The following FAM167A variants were observed in gnomAD, a reference collection of about 807,000 sequenced individuals.
FAM167A encodes the protein protein FAM167A.
FAM167A carries 23 observed loss-of-function variants against 14.9 expected under a neutral mutation model. That is an observed-to-expected ratio of 1.55 (90% CI 1.11 to 2.19). The LOEUF (loss-of-function observed/expected upper bound fraction) is 2.19, where lower values mean the gene tolerates loss of function less well. Ranked by LOEUF, FAM167A falls within the 30% of genes most tolerant of loss-of-function variation. FAM167A has a pLI of 0.00. For missense variants in FAM167A, 401 were observed against 281.5 expected (o/e 1.42, Z -3.04); for synonymous variants, 174 against 117.7 (o/e 1.48, Z -3.10).
upstream of FAM167A, among the ~76,000 whole-genome samples, chr8:11,471,545 C>T (rs1369286551): frequency 1.3e-5 from 2 of 152,170 alleles, no homozygotes; most frequent in East Asian, 3.8e-4. Flanking sequence ...CATCCCAGCT[C>T]CTCTGGTGAT....
intron 1 of FAM167A, among the ~76,000 whole-genome samples, chr8:11,473,849 G>GTTTCTT (rs1291442429): frequency 2.6e-5 from 4 of 151,934 alleles, no homozygotes; most frequent in East Asian, 1.9e-4. Flanking sequence ...TTTTTTGTTT[G>GTTTCTT]TTTCTTTTTC....
At chr8:11,425,204 A>AT (rs1353203353) in intron 2 of FAM167A, among the ~76,000 whole-genome samples, 1 of 152,222 alleles carries the variant, frequency 6.6e-6, no homozygotes, top group Non-Finnish European at 1.5e-5. Flanking sequence ...GTGTTTTATT[A>AT]TGAAACAGTT....
chr8:11,427,302 C>G (rs533307090), intron 2 of FAM167A, among the ~76,000 whole-genome samples: 17 of 152,322 alleles, frequency 1.1e-4, no homozygotes, highest in Admixed American at 9.1e-4. Flanking sequence ...GGGCTGGTTT[C>G]TCAGTTGTGA....
At chr8:11,466,760 G>T (rs1335889263), upstream of FAM167A, 3 of 146,168 alleles carry the variant, frequency 2.1e-5, no homozygotes, top group Non-Finnish European at 1.5e-5. Flanking sequence ...TCTCGGCGCT[G>T]CTCCTTTCGG....
chr8:11,439,494 G>A (rs1179742842), intron 2 of FAM167A, among the ~76,000 whole-genome samples: 1 of 152,272 alleles, frequency 6.6e-6, no homozygotes, highest in African/African-American at 2.4e-5. Context: ...TGGCCACAGT[G>A]GGGCCAGCTG....
chr8:11,424,788 G>T, intron 2 of FAM167A, 152 bp from the exon 3 acceptor site: 1 of 1,204,924 alleles, frequency 8.3e-7, no homozygotes, highest in Non-Finnish European at 1.1e-6. Flanking sequence ...GAGGTGAAAA[G>T]ACACAGAAAG....
intron 1 of FAM167A, among the ~76,000 whole-genome samples, chr8:11,450,109 G>A (rs1285596572): frequency 4.6e-5 from 7 of 152,172 alleles, no homozygotes; most frequent in South Asian, 4.2e-4. Context: ...CTGTCCCGCC[G>A]GACACCATGC....
chr8:11,443,662 A>G (rs1806578973), intron 2 of FAM167A: 1 of 205,778 alleles, frequency 4.9e-6, no homozygotes, highest in African/African-American at 2.4e-5. Flanking sequence ...GCTGGGGTGG[A>G]CAGCAGGGTG....
Position 11,453,673 on chromosome 8 carries a change from T to G in FAM167A, c.-397-8865A>C, listed in dbSNP as rs1479139606. Among the ~76,000 whole-genome samples the G allele has an allele frequency of 1.3e-5, 2 of 152,118 alleles. 1 individual carries two copies. Among genetic ancestry groups the G allele is most frequent in the Admixed American group, 1.3e-4 (2 of 15,276 alleles). On this transcript the variant is annotated intron_variant, in intron 1 of 2. Coordinates refer to ENST00000284486, the MANE Select transcript of FAM167A (RefSeq NM_053279.3). ...AGGCTCTGTGACCCTCCCCATGGTC[T>G]ACTCAAACAGAACAAAGCAAGAGTG...
chr8:11,456,361 TGTGTGTGGGGTGG>T (rs1807302136), intron 1 of FAM167A, among the ~76,000 whole-genome samples: 9 of 105,472 alleles, frequency 8.5e-5, no homozygotes, highest in Non-Finnish European at 1.0e-4. Context: ...CTGCTGGGTG[TGTGTGTGGGGTGG>T]TTGCCCTGCC....
At chr8:11,445,701 C>T (rs146699892) in intron 1 of FAM167A, 36 of 807,252 alleles carry the variant, frequency 4.5e-5, no homozygotes, top group Non-Finnish European at 5.1e-5. Context: ...AAGAAGAGAC[C>T]GCAGCCTCCA....
intron 1 of FAM167A, among the ~76,000 whole-genome samples, chr8:11,453,696 G>A (rs989131831): frequency 5.3e-5 from 8 of 152,162 alleles, no homozygotes; most frequent in Non-Finnish European, 1.2e-4. Flanking sequence ...CAAAGCAAGA[G>A]TGTCCTCTGG....
At chr8:11,457,358 T>G (rs377496866) in intron 1 of FAM167A, among the ~76,000 whole-genome samples, 1 of 151,900 alleles carries the variant, frequency 6.6e-6, no homozygotes, top group Admixed American at 6.6e-5. Flanking sequence ...CTGAAGGACA[T>G]TGATGCTGTG....
At chr8:11,438,614 A>C (rs1344290051) in intron 2 of FAM167A, 3 of 424,512 alleles carry the variant, frequency 7.1e-6, no homozygotes, top group Non-Finnish European at 1.4e-5. Flanking sequence ...AAGTCAAAAG[A>C]ATAATATTAC....
intron 2 of FAM167A, chr8:11,435,011 C>T (rs1805907358): frequency 2.2e-6 from 1 of 456,506 alleles, no homozygotes; most frequent in African/African-American, 2.0e-5. Context: ...AGCATCTGGG[C>T]CTCCTCCCTG....
chr8:11,458,218 TTA>T (rs1331483284), intron 1 of FAM167A, among the ~76,000 whole-genome samples: 1 of 152,222 alleles, frequency 6.6e-6, no homozygotes, highest in Non-Finnish European at 1.5e-5. Flanking sequence ...CGCGATAGCC[TTA>T]TGTTTGAATT....
At chr8:11,445,221 G>C (rs904261625) in intron 1 of FAM167A, 2 of 985,296 alleles carry the variant, frequency 2.0e-6, no homozygotes, top group Non-Finnish European at 2.4e-6. Context: ...TTTCCTCTCT[G>C]TGGCAACAGC....
intron 1 of FAM167A, 62 bp from the exon 2 acceptor site, chr8:11,444,870 C>G: frequency 2.0e-6 from 2 of 978,852 alleles, no homozygotes; most frequent in Non-Finnish European, 2.4e-6. Flanking sequence ...GAGGCGGGCA[C>G]GTCCACTCCA....
chr8:11,453,848 T>C (rs1418120990), intron 1 of FAM167A, among the ~76,000 whole-genome samples: 1 of 152,158 alleles, frequency 6.6e-6, no homozygotes, highest in Non-Finnish European at 1.5e-5. Flanking sequence ...CAGGGAAGGC[T>C]GGGTCTTCTT....
Sources: gnomAD v4.1 joint callset for allele counts (sites outside exome capture counted in the v4.1 genomes callset) on GRCh38, gnomAD v4.1.1 for gene constraint, MANE v1.5 for transcripts, NCBI Gene and HGNC (gene_info 2026-07-23, HGNC 2026-07-21) for gene names.